FAM133B: variants seen among roughly 807,000 people sequenced by gnomAD.
The protein encoded by FAM133B is protein FAM133B.
Under a neutral mutation model 46.4 loss-of-function variants are expected in FAM133B, and 25 were observed. The observed-to-expected ratio is 0.54, with a 90% CI of 0.39 to 0.75. FAM133B has a LOEUF of 0.75. FAM133B is among the 30% of genes least tolerant of loss of function. The probability of loss-of-function intolerance (pLI) is 0.00; values close to 1 mark genes in which losing one functional copy is unlikely to be tolerated. For missense variants in FAM133B, 205 were observed against 277.6 expected, an observed-to-expected ratio of 0.74 and a Z score of 1.86; for synonymous variants, 75 against 86.0, an observed-to-expected ratio of 0.87 and a Z score of 0.71.
intron 1 of FAM133B, among the ~76,000 whole-genome samples, chr7:92,583,512 T>C (rs1163928671): frequency 2.0e-5 from 3 of 152,364 alleles, no homozygotes; most frequent in African/African-American, 7.2e-5. Flanking sequence ...TAAATCATGC[T>C]GTCTACTACA....
At chr7:92,590,052 G>GA in intron 1 of FAM133B, 2 of 630,216 alleles carry the variant, frequency 3.2e-6, no homozygotes, top group Non-Finnish European at 5.4e-6. Flanking sequence ...GGTGAGGGAA[G>GA]AAAAAAGGGG....
At chr7:92,581,733 A>T in intron 1 of FAM133B, 130 bp from the exon 2 acceptor site, 2 of 651,410 alleles carry the variant, frequency 3.1e-6, no homozygotes, top group Non-Finnish European at 5.2e-6. Context: ...TGACTAACCA[A>T]CTCTTTATTC....
intron 1 of FAM133B, among the ~76,000 whole-genome samples, chr7:92,589,701 A>C (rs961999154): frequency 6.6e-6 from 1 of 152,182 alleles, no homozygotes; most frequent in African/African-American, 2.4e-5. Context: ...CAGGTCCTAC[A>C]GGGCGCTGGA....
intron 9 of FAM133B, among the ~76,000 whole-genome samples, chr7:92,567,466 T>C (rs988056325): frequency 3.3e-5 from 5 of 151,822 alleles, no homozygotes; most frequent in Non-Finnish European, 7.4e-5. Flanking sequence ...CAATTAACAA[T>C]AAAAGGAAGC....
chr7:92,567,955 G>C (rs149541579), intron 9 of FAM133B, among the ~76,000 whole-genome samples: 1 of 152,140 alleles, frequency 6.6e-6, no homozygotes, highest in African/African-American at 2.4e-5. Flanking sequence ...GTAGAGACAG[G>C]GTTTTGCCAT....
At chr7:92,579,460 A>G (rs1794801469) in intron 2 of FAM133B, 65 bp from the exon 3 acceptor site, 1 of 1,149,332 alleles carries the variant, frequency 8.7e-7, no homozygotes, top group African/African-American at 1.6e-5. Context: ...CTTACAAATA[A>G]GACAACAAAA....
chr7:92,564,847 G>A (rs1037106777), intron 10 of FAM133B, among the ~76,000 whole-genome samples: 3 of 152,108 alleles, frequency 2.0e-5, no homozygotes, highest in African/African-American at 7.2e-5. Flanking sequence ...TCTGTTTCTT[G>A]TTTGGATACT....
rs754024954 is a variant in FAM133B, at chr7:92,577,700, T to A, written c.327A>T (p.Ser109=). ...AACTGCTGGAAGAATCAGAGCTTGA[T>A]GAAGAAGAAGATGAATACTTGACCA... The part of the protein sequence containing the change: ...KKSGRYSSSS[S]SSSDSSSSSS... The change falls in exon 6 of 11, where the codon TCA becomes TCT. Residue 109 remains serine (S), a synonymous_variant. Coordinates refer to ENST00000445716, the MANE Select transcript of FAM133B (RefSeq NM_152789.4). 6.9e-6 allele frequency: 11 copies of A among 1,583,118 alleles called. No individual in the cohort carries two copies. In the Admixed American group the frequency reaches 1.6e-4, roughly 23 times the overall value.
At chr7:92,575,914 G>A (rs1486184966) in intron 7 of FAM133B, 93 bp from the exon 8 acceptor site, 6 of 516,798 alleles carry the variant, frequency 1.2e-5, no homozygotes, top group Non-Finnish European at 2.1e-5. Flanking sequence ...TTTGCTCTAT[G>A]ACTGAAAAAA....
intron 2 of FAM133B, 49 bp from the exon 3 acceptor site, chr7:92,579,444 T>A (rs758059359): frequency 7.5e-7 from 1 of 1,340,652 alleles, no homozygotes; most frequent in Non-Finnish European, 1.0e-6. Context: ...TCAAATTAGA[T>A]AAATGCTTAC....
intron 9 of FAM133B, among the ~76,000 whole-genome samples, chr7:92,568,885 A>G (rs1794447161): frequency 2.0e-5 from 3 of 152,124 alleles, no homozygotes; most frequent in African/African-American, 7.2e-5. Flanking sequence ...AGCAATTACA[A>G]GACATTGCTA....
intron 8 of FAM133B, among the ~76,000 whole-genome samples, chr7:92,573,680 G>A (rs1475006399): frequency 1.3e-5 from 2 of 151,124 alleles, no homozygotes; most frequent in East Asian, 1.9e-4. Context: ...TTAAATATGA[G>A]GGTAACCACT....
intron 1 of FAM133B, among the ~76,000 whole-genome samples, chr7:92,589,687 G>A (rs1232522917): frequency 1.3e-5 from 2 of 152,162 alleles, no homozygotes; most frequent in African/African-American, 4.8e-5. Context: ...GTGTCTATGG[G>A]GGCCAGGTCC....
At chr7:92,571,213 ACTGT>A (rs1794519416) in intron 8 of FAM133B, among the ~76,000 whole-genome samples, 1 of 152,124 alleles carries the variant, frequency 6.6e-6, no homozygotes. Flanking sequence ...CATGTCCAAA[ACTGT>A]CTGTCATCCA....
intron 9 of FAM133B, among the ~76,000 whole-genome samples, chr7:92,566,883 A>G (rs1794365948): frequency 6.6e-6 from 1 of 152,198 alleles, no homozygotes; most frequent in Non-Finnish European, 1.5e-5. Flanking sequence ...TTTATATTTT[A>G]TTTCAATCTT....
chr7:92,564,420 C>A (rs1352741407), intron 10 of FAM133B, among the ~76,000 whole-genome samples: 3 of 152,152 alleles, frequency 2.0e-5, no homozygotes, highest in Non-Finnish European at 2.9e-5. Flanking sequence ...TAGCTGAAAG[C>A]ATGAAACAGT....
intron 1 of FAM133B, 40 bp downstream of exon 1, chr7:92,590,228 G>A (rs1191732431): frequency 6.2e-7 from 1 of 1,613,514 alleles, no homozygotes; most frequent in Non-Finnish European, 8.5e-7. Context: ...CTGCCGCCGG[G>A]CCCTGCGTCG....
intron 1 of FAM133B, among the ~76,000 whole-genome samples, chr7:92,584,728 T>A (rs893643124): frequency 6.6e-6 from 1 of 152,204 alleles, no homozygotes; most frequent in African/African-American, 2.4e-5. Context: ...GGTGTGGAAG[T>A]ATGACAAACA....
intron 7 of FAM133B, 137 bp from the exon 8 acceptor site, chr7:92,575,958 T>C: frequency 2.5e-6 from 1 of 407,358 alleles, no homozygotes; most frequent in East Asian, 3.7e-5. Flanking sequence ...ATTCCGAAAA[T>C]TTAAGAGAAA....
Sources: allele counts gnomAD v4.1 joint callset (sites outside exome capture counted in the v4.1 genomes callset), GRCh38; gene constraint gnomAD v4.1.1; transcripts MANE v1.5; gene names NCBI Gene and HGNC (gene_info 2026-07-23, HGNC 2026-07-21).